Variants in STS observed in about 807,000 individuals in gnomAD.
The protein encoded by STS is steryl-sulfatase.
Under a neutral mutation model 26.8 loss-of-function variants are expected in STS, and 7 were observed. That is an observed-to-expected ratio of 0.26 (90% CI 0.15 to 0.49). The LOEUF is 0.49. STS is among the 20% of genes least tolerant of loss of function. STS has a pLI of 0.98. For synonymous variants in STS, 199 were observed against 189.4 expected, an observed-to-expected ratio of 1.05 and a Z score of -0.42; for missense variants, 434 against 465.6, an observed-to-expected ratio of 0.93 and a Z score of 0.63.
At chrX:7,278,333 G>A (rs1459483939) in intron 7 of STS, among the ~76,000 whole-genome samples, 1 of 112,017 alleles carries the variant, frequency 8.9e-6, no homozygotes, top group Non-Finnish European at 1.9e-5. Context: ...AAATAAAAGG[G>A]GGATATTTGC....
At chrX:7,261,078 G>T (rs1390200874) in intron 6 of STS, among the ~76,000 whole-genome samples, 1 of 111,156 alleles carries the variant, frequency 9.0e-6, no homozygotes, top group African/African-American at 3.3e-5. Flanking sequence ...TTATATAGAG[G>T]CTATGTCAAA....
At chrX:7,313,504 T>C (rs1350128206) in intron 8 of STS, among the ~76,000 whole-genome samples, 1 of 112,509 alleles carries the variant, frequency 8.9e-6, no homozygotes, top group African/African-American at 3.2e-5. Context: ...TCAAATGATG[T>C]TGGCAAACAT....
At chrX:7,163,155 G>A (rs181972218) in intron 1 of STS, among the ~76,000 whole-genome samples, 13 of 110,984 alleles carry the variant, frequency 1.2e-4, no homozygotes, top group Non-Finnish European at 2.3e-4. Context: ...TCACTCTCTG[G>A]TGGTGGCTGT....
At chrX:7,156,172 G>T (rs1273706460) in intron 1 of STS, among the ~76,000 whole-genome samples, 2 of 109,803 alleles carry the variant, frequency 1.8e-5, no homozygotes, top group Admixed American at 9.8e-5. Flanking sequence ...AAAATTCTGA[G>T]AATCTATTGA....
At chrX:7,326,339 A>G (rs745613637) in intron 9 of STS, among the ~76,000 whole-genome samples, 13 of 111,628 alleles carry the variant, frequency 1.2e-4, no homozygotes, top group Non-Finnish European at 2.4e-4. Context: ...AGGAATGTGG[A>G]CGGGTGGTGT....
At chrX:7,192,814 T>G (rs1428297569) in intron 2 of STS, among the ~76,000 whole-genome samples, 2 of 111,921 alleles carry the variant, frequency 1.8e-5, no homozygotes, top group Non-Finnish European at 3.8e-5. Flanking sequence ...TTTGGAGACA[T>G]TTTTGGTCGT....
At chrX:7,306,018 A>AT (rs1336636797) in intron 8 of STS, among the ~76,000 whole-genome samples, 5 of 111,018 alleles carry the variant, frequency 4.5e-5, no homozygotes, top group African/African-American at 1.3e-4. Context: ...CTTTTCAAAA[A>AT]TTTTTTTTGC....
At chrX:7,161,818 T>C (rs951043308) in intron 1 of STS, among the ~76,000 whole-genome samples, 1 of 112,029 alleles carries the variant, frequency 8.9e-6, no homozygotes, top group Non-Finnish European at 1.9e-5. Context: ...CTGTAGGTAC[T>C]CTTTGTCTCA....
rs1349452541 is a variant in STS at position 7,253,187 on chromosome X, C to T, written c.-4-9C>T. Reference sequence around the variant, plus strand: ...CTTCAGTTCCTTTTTGTGTCCTTGTCCTTTACAGGAAGATGAAGATCCCTT... The same window carrying T: ...CTTCAGTTCCTTTTTGTGTCCTTGTTCTTTACAGGAAGATGAAGATCCCTT... On this transcript the variant is annotated splice_polypyrimidine_tract_variant and intron_variant, in intron 2 of 10. Transcript: ENST00000674429. 16 of 1,208,779 alleles carry T rather than the reference C, an allele frequency of 1.3e-5. No individual in the cohort carries two copies. Among genetic ancestry groups the T allele is most frequent in the East Asian group, 3.0e-5 (1 of 33,730 alleles).
chrX:7,349,772 T>C, intron 10 of STS, 116 bp from the exon 11 acceptor site: 2 of 1,032,363 alleles, frequency 1.9e-6, no homozygotes, highest in Non-Finnish European at 2.7e-6. Flanking sequence ...TGCAGCCTTA[T>C]GATATCTTCA....
chrX:7,324,803 A>AT (rs1402914150), intron 8 of STS, among the ~76,000 whole-genome samples: 3 of 111,535 alleles, frequency 2.7e-5, no homozygotes, highest in African/African-American at 6.5e-5. Context: ...TTAGAATTTT[A>AT]TTTTTGGTTT....
chrX:7,160,609 T>C (rs1450967402), intron 1 of STS, among the ~76,000 whole-genome samples: 2 of 111,779 alleles, frequency 1.8e-5, no homozygotes, highest in African/African-American at 6.5e-5. Flanking sequence ...TCAATTAACC[T>C]CATATATGAA....
Position 7,325,093 on chromosome X carries a change from G to C in STS, c.1082-246G>C, listed in dbSNP as rs151061593. On this transcript the variant is annotated intron_variant, in intron 8 of 10. Coordinates refer to ENST00000674429, the MANE Select transcript of STS (RefSeq NM_001320752.2). The stretch of plus-strand genomic sequence containing the variant: ...AATCTTTGTTGCGTTGAGTCCCTCT[G>C]ATTACAAAGTTTTTGTTCAAGATGC... 0.03 allele frequency among the ~76,000 whole-genome samples: 3,312 copies of C among 111,525 alleles called. 73 individuals are homozygous for C. The highest frequency in any genetic ancestry group is 0.072 in the African/African-American group (2,218 of 30,636).
chrX:7,203,369 T>A (rs1225903914), intron 2 of STS, among the ~76,000 whole-genome samples: 1 of 111,969 alleles, frequency 8.9e-6, no homozygotes, highest in Non-Finnish European at 1.9e-5. Flanking sequence ...CCTTGTTAGT[T>A]TTTTCTGATT....
intron 1 of STS, chrX:7,148,295 G>A (rs1482743563): frequency 1.1e-5 from 3 of 272,322 alleles, no homozygotes; most frequent in Non-Finnish European, 2.0e-5. Context: ...CTCCGCGCAC[G>A]CGCACCTTGG....
intron 1 of STS, among the ~76,000 whole-genome samples, chrX:7,171,631 C>A (rs1477141015): frequency 8.9e-6 from 1 of 111,880 alleles, no homozygotes; most frequent in African/African-American, 3.2e-5. Flanking sequence ...ATTTTATTAG[C>A]CATAATAGCA....
intron 2 of STS, among the ~76,000 whole-genome samples, chrX:7,191,231 G>T (rs1221549411): frequency 8.9e-6 from 1 of 112,064 alleles, no homozygotes; most frequent in Non-Finnish European, 1.9e-5. Flanking sequence ...CATCTGTGGG[G>T]CAAATATATT....
chrX:7,249,640 G>A (rs1923042695), intron 2 of STS, among the ~76,000 whole-genome samples: 1 of 111,789 alleles, frequency 8.9e-6, no homozygotes, highest in Non-Finnish European at 1.9e-5. Flanking sequence ...AAAAGCCCTA[G>A]AAATACTGGG....
chrX:7,213,263 A>G (rs757724898), intron 2 of STS, among the ~76,000 whole-genome samples: 1 of 112,190 alleles, frequency 8.9e-6, no homozygotes, highest in East Asian at 2.8e-4. Context: ...TTCTCTCTCA[A>G]GGCAGTGGCT....
Sources: gnomAD v4.1 joint callset for allele counts (sites outside exome capture counted in the v4.1 genomes callset) on GRCh38, gnomAD v4.1.1 for gene constraint, MANE v1.5 for transcripts, NCBI Gene and HGNC (gene_info 2026-07-23, HGNC 2026-07-21) for gene names.